ZFR2: variants seen among roughly 807,000 people sequenced by gnomAD.
ZFR2 encodes the protein zinc finger RNA binding protein 2.
In ZFR2, 104 loss-of-function variants were observed where a neutral mutation model predicts 105.7. That is an observed-to-expected ratio of 0.98 (90% CI 0.84 to 1.16). The LOEUF is 1.16. Ranked by LOEUF, ZFR2 falls within the 50% of genes most tolerant of loss-of-function variation. The pLI, the probability that ZFR2 is intolerant of heterozygous loss-of-function variation, is 0.00. For missense variants in ZFR2, 1,425 were observed against 1,355.5 expected (o/e 1.05, Z -0.80); for synonymous variants, 634 against 597.7 (o/e 1.06, Z -0.89).
intron 1 of ZFR2, among the ~76,000 whole-genome samples, chr19:3,841,418 C>T (rs1352650277): frequency 2.0e-5 from 3 of 152,154 alleles, no homozygotes; most frequent in Non-Finnish European, 4.4e-5. Context: ...GGTGCGGTGG[C>T]TCACCCCTGT....
intron 5 of ZFR2, among the ~76,000 whole-genome samples, chr19:3,830,982 TACACACACGCTTGC>T (rs1434681113): frequency 1.9e-5 from 2 of 105,144 alleles, no homozygotes; most frequent in African/African-American, 6.1e-5. Context: ...TGCACACACA[TACACACACGCTTGC>T]ACACACAGGC....
At chr19:3,822,260 T>C in intron 8 of ZFR2, 60 bp from the exon 9 acceptor site, 1 of 1,535,856 alleles carries the variant, frequency 6.5e-7, no homozygotes, top group Non-Finnish European at 8.8e-7. Flanking sequence ...TGTGAGATGC[T>C]ACCGCTGCCA....
Position 3,835,535 on chromosome 19 carries a change from G to A in ZFR2, c.54-552C>T, listed in dbSNP as rs368391096. Reference sequence around the variant, plus strand: ...TTTTTAGTAGAGACAGGATTTCACCGTGTTAACTAGGATGGTCTCAACCTC... The same window carrying A: ...TTTTTAGTAGAGACAGGATTTCACCATGTTAACTAGGATGGTCTCAACCTC... On this transcript the variant is annotated intron_variant, in intron 1 of 18. Transcript: ENST00000262961. Among the ~76,000 whole-genome samples, 29 of 147,304 alleles carry A rather than the reference G, an allele frequency of 2.0e-4. 3 individuals carry two copies. In the East Asian group the frequency reaches 2.1e-3, roughly 10 times the overall value.
intron 1 of ZFR2, among the ~76,000 whole-genome samples, chr19:3,867,143 G>GC (rs1407656586): frequency 6.6e-6 from 1 of 151,664 alleles, no homozygotes; most frequent in Admixed American, 6.6e-5. Context: ...GAACACCGCG[G>GC]GGGGCAAAGA....
intron 5 of ZFR2, 80 bp downstream of exon 5, chr19:3,831,223 C>T (rs534343616): frequency 4.2e-6 from 6 of 1,431,216 alleles, no homozygotes; most frequent in African/African-American, 2.9e-5. Context: ...CCTGACCACC[C>T]CACCGGCGCC....
rs2038098899 is a variant in ZFR2, at chr19:3,838,197, C to T, written c.54-3214G>A. 6.6e-6 allele frequency among the ~76,000 whole-genome samples: 1 copy of T among 151,984 alleles called. No homozygotes were observed. Among genetic ancestry groups the T allele is most frequent in the Non-Finnish European group, 1.5e-5 (1 of 67,984 alleles). On this transcript the variant is annotated intron_variant, in intron 1 of 18. Coordinates refer to ENST00000262961, the MANE Select transcript of ZFR2 (RefSeq NM_015174.2). The surrounding 1 kb of genome is among the most constrained non-coding windows in gnomAD (Gnocchi z 4.9). ...CACCATGACCGTGACACCCGATGAA[C>T]ATCCCGACAATACATTCGATGAACA... is the stretch of plus-strand genomic sequence containing the variant.
rs1207762440 is a variant in ZFR2 at position 3,804,861 on chromosome 19, GTTTT to G, written c.*1084_*1087del. 2.6e-5 allele frequency: 4 copies of G among 151,618 alleles called. No homozygotes were observed. The highest frequency in any genetic ancestry group is 1.0e-4 in the African/African-American group (4 of 39,770). 9.4% of individuals were successfully genotyped at this position (151,618 alleles called of 1,614,324 possible). On this transcript the variant is annotated 3_prime_UTR_variant, in exon 19 of 19. Transcript: ENST00000262961. ...CATGCCGCAGCCGCATCCAAAGAAA[GTTTT>G]GTTTGTTTGTTTGTTTGTTTGTTTG...
At chr19:3,820,876 AGGTCGGGG>A in intron 10 of ZFR2, among the ~76,000 whole-genome samples, 1 of 81,800 alleles carries the variant, frequency 1.2e-5, no homozygotes, top group Non-Finnish European at 2.5e-5. Flanking sequence ...GGGACACTAG[AGGTCGGGG>A]GACACAGGGA....
chr19:3,806,075 C>T lies in ZFR2; in HGVS notation c.2694G>A (p.Met898Ile). ...AFRQTHKVLGMDLLPPRHRLG... is the reference protein window; with the variant it reads ...AFRQTHKVLGIDLLPPRHRLG... ...GCCGGTGTCTGGGCGGCAGGAGATC[C>T]ATGCCCAGGACCTTGTGGGTCTGCC... is the stretch of plus-strand genomic sequence containing the variant. Residue 898 changes from methionine (M) to isoleucine (I), a missense_variant, in exon 19 of 19, where the codon ATG (methionine) becomes ATA (isoleucine). Transcript: ENST00000262961. The T allele has an allele frequency of 6.5e-7, 1 of 1,528,090 alleles. No individual in the cohort carries two copies. The highest frequency in any genetic ancestry group is 8.8e-7 in the Non-Finnish European group (1 of 1,138,472). The allele number at this position is 1,528,090 out of a possible 1,614,324, so 94.7% of individuals were successfully genotyped here.
chr19:3,857,880 C>G (rs919064657), intron 1 of ZFR2, among the ~76,000 whole-genome samples: 2 of 152,074 alleles, frequency 1.3e-5, no homozygotes, highest in Non-Finnish European at 2.9e-5. Context: ...CTGGTGCTGC[C>G]TGCCTGGGAG....
chr19:3,848,727 C>G (rs1189788811), intron 1 of ZFR2, among the ~76,000 whole-genome samples: 50 of 150,580 alleles, frequency 3.3e-4, no homozygotes, highest in Non-Finnish European at 1.3e-4. Flanking sequence ...CGCGGTGGCT[C>G]ACGCCTGTAA....
chr19:3,816,640 C>A, intron 13 of ZFR2, 34 bp downstream of exon 13: 2 of 1,576,220 alleles, frequency 1.3e-6, no homozygotes, highest in Non-Finnish European at 1.7e-6. Context: ...CAGCCAGACG[C>A]CAGAAGCAGC....
At chr19:3,824,358 T>A (rs2145150953) in intron 7 of ZFR2, among the ~76,000 whole-genome samples, 1 of 152,248 alleles carries the variant, frequency 6.6e-6, no homozygotes, top group East Asian at 1.9e-4. Flanking sequence ...AGCGAAGCAA[T>A]GCACACAAAG....
intron 1 of ZFR2, among the ~76,000 whole-genome samples, chr19:3,849,692 T>G (rs1413194282): frequency 6.6e-6 from 1 of 152,228 alleles, no homozygotes; most frequent in Non-Finnish European, 1.5e-5. Flanking sequence ...CCCCAGGATG[T>G]TGTAGGCTGG....
Position 3,827,489 on chromosome 19 carries a change from C to T in ZFR2, c.1017G>A (p.Arg339=). 1 of 1,551,162 alleles carries T rather than the reference C, an allele frequency of 6.4e-7. No homozygotes were observed. The highest frequency in any genetic ancestry group is 8.7e-7 in the Non-Finnish European group (1 of 1,148,114). The change falls in exon 6 of 19, where the codon CGG becomes CGA. Residue 339 remains arginine, a synonymous_variant. Transcript: ENST00000262961. The part of the protein sequence containing the change: ...TGADAYAAHI[R]GSKHQKVFKL... ...GCCGTACCTTCTGGTGCTTGGATCC[C>T]CGGATGTGGGCCGCGTAGGCGTCCG...
intron 1 of ZFR2, among the ~76,000 whole-genome samples, chr19:3,861,799 G>C (rs1295019958): frequency 6.6e-6 from 1 of 152,108 alleles, no homozygotes; most frequent in African/African-American, 2.4e-5. Context: ...GGTGGTGCAT[G>C]CCTGTAGTCC....
chr19:3,843,524 T>C (rs1024680656), intron 1 of ZFR2, among the ~76,000 whole-genome samples: 1 of 146,884 alleles, frequency 6.8e-6, no homozygotes, highest in African/African-American at 2.5e-5. Flanking sequence ...TGAAATATGA[T>C]TCGGCCTTAA....
chr19:3,823,492 A>AC lies in ZFR2; in HGVS notation c.1214-90dup. The AC allele has an allele frequency of 7.3e-7, 1 of 1,363,574 alleles. No individual in the cohort carries two copies. Among genetic ancestry groups the AC allele is most frequent in the Non-Finnish European group, 9.9e-7 (1 of 1,012,254 alleles). The allele number at this position is 1,363,574 out of a possible 1,614,324, so 84.5% of individuals were successfully genotyped here. On this transcript the variant is annotated intron_variant, in intron 7 of 18. Transcript: ENST00000262961. The surrounding 1 kb of genome is among the most constrained non-coding windows in gnomAD (Gnocchi z 5.4). ...GCCAGGCGGCATGGGGTGGAGAGCC[A>AC]CCCAGACTGCAGGCTGTGCCATCCC...
At chr19:3,841,164 C>T (rs920639530) in intron 1 of ZFR2, among the ~76,000 whole-genome samples, 2 of 152,226 alleles carry the variant, frequency 1.3e-5, no homozygotes, top group Non-Finnish European at 2.9e-5. Context: ...CTCCCAGCTA[C>T]AGAGAGAGCT....
Sources: gnomAD v4.1 joint callset for allele counts (sites outside exome capture counted in the v4.1 genomes callset) on GRCh38, gnomAD v4.1.1 for gene constraint, Gnocchi (gnomAD v3.1) non-coding constraint, MANE v1.5 for transcripts, NCBI Gene and HGNC (gene_info 2026-07-23, HGNC 2026-07-21) for gene names.